The following TESK2 variants were observed in gnomAD, a reference collection of about 807,000 sequenced individuals.
The protein encoded by TESK2 is testis associated actin remodelling kinase 2, also known as dual specificity testis-specific protein kinase 2.
Under a neutral mutation model 57.1 loss-of-function variants are expected in TESK2, and 39 were observed. The observed-to-expected ratio is 0.68, with a 90% CI of 0.53 to 0.89. The LOEUF is 0.89. Ranked by LOEUF, TESK2 falls within the 40% of genes least tolerant of loss-of-function variation. The pLI is 0.00. For synonymous variants in TESK2, 249 were observed against 267.9 expected (o/e 0.93, Z 0.69); for missense variants, 646 against 732.1 (o/e 0.88, Z 1.36).
intron 3 of TESK2, among the ~76,000 whole-genome samples, chr1:45,409,688 G>A (rs549258831): frequency 1.3e-5 from 2 of 152,146 alleles, no homozygotes; most frequent in Non-Finnish European, 2.9e-5. Flanking sequence ...ATATTTTGAA[G>A]ATAATGCTGA....
At chr1:45,468,019 T>TA (rs1233318503) in intron 1 of TESK2, among the ~76,000 whole-genome samples, 2 of 151,652 alleles carry the variant, frequency 1.3e-5, no homozygotes, top group South Asian at 2.1e-4. Flanking sequence ...CTACAAAAAA[T>TA]ACAAAAATTA....
intron 4 of TESK2, among the ~76,000 whole-genome samples, chr1:45,368,231 G>A (rs945176725): frequency 1.3e-5 from 2 of 151,528 alleles, no homozygotes; most frequent in African/African-American, 4.9e-5. Context: ...CTGACTTCAG[G>A]TGATCCACCC....
chr1:45,482,244 T>C (rs1217750251), intron 1 of TESK2, among the ~76,000 whole-genome samples: 1 of 152,176 alleles, frequency 6.6e-6, no homozygotes, highest in Non-Finnish European at 1.5e-5. Flanking sequence ...ACGAAAAAGT[T>C]GGCCAGGCAT....
chr1:45,444,049 C>T, intron 2 of TESK2, among the ~76,000 whole-genome samples: 1 of 151,956 alleles, frequency 6.6e-6, no homozygotes, highest in Non-Finnish European at 1.5e-5. Flanking sequence ...TGTGGTGGCA[C>T]ATGCCTGCAG....
chr1:45,471,238 A>G (rs1369947718), intron 1 of TESK2, among the ~76,000 whole-genome samples: 1 of 152,144 alleles, frequency 6.6e-6, no homozygotes, highest in Admixed American at 6.5e-5. Flanking sequence ...CTCAAAAAAA[A>G]GAAGCGGAGG....
chr1:45,474,785 C>CT lies in TESK2; in HGVS notation c.-87+16066dup, dbSNP rs1268268401. 3.7e-3 allele frequency among the ~76,000 whole-genome samples: 513 copies of CT among 139,600 alleles called. 1 individual carries two copies. Among genetic ancestry groups the CT allele is most frequent in the Middle Eastern group, 7.2e-3 (2 of 276 alleles). 91.6% of individuals were successfully genotyped at this position (139,600 alleles called of 152,430 possible). On this transcript the variant is annotated intron_variant, in intron 1 of 10. Coordinates refer to ENST00000372086, the MANE Select transcript of TESK2 (RefSeq NM_007170.3). ...GAGCCACCACACCTGGCCTCCATCT[C>CT]TTTTTTTTTTTTTAATGCAGTTTCT...
At chr1:45,388,695 G>A (rs908592335) in intron 3 of TESK2, among the ~76,000 whole-genome samples, 3 of 149,742 alleles carry the variant, frequency 2.0e-5, no homozygotes, top group Non-Finnish European at 3.0e-5. Context: ...AATTCCCAAC[G>A]TGGCAGTATT....
intron 4 of TESK2, among the ~76,000 whole-genome samples, chr1:45,376,967 C>T (rs1197829098): frequency 1.3e-5 from 2 of 152,120 alleles, no homozygotes; most frequent in South Asian, 2.1e-4. Flanking sequence ...CACCTGTAAT[C>T]CCAGCACTCT....
intron 4 of TESK2, among the ~76,000 whole-genome samples, chr1:45,383,201 A>G (rs185136809): frequency 1.3e-5 from 2 of 152,324 alleles, no homozygotes; most frequent in Admixed American, 1.3e-4. Context: ...CTAAGTTTCA[A>G]GGACTGTGCT....
chr1:45,486,106 T>C (rs1653466424), intron 1 of TESK2, among the ~76,000 whole-genome samples: 1 of 152,208 alleles, frequency 6.6e-6, no homozygotes, highest in Non-Finnish European at 1.5e-5. Context: ...CCTGTGATTG[T>C]TCAGGGAAAA....
intron 4 of TESK2, among the ~76,000 whole-genome samples, chr1:45,358,019 A>AG (rs1248768801): frequency 1.6e-4 from 24 of 145,742 alleles, no homozygotes; most frequent in African/African-American, 5.6e-4. Context: ...AAAAAAAAAA[A>AG]AAAAAAAAAA....
intron 3 of TESK2, among the ~76,000 whole-genome samples, chr1:45,407,807 T>C (rs1050699589): frequency 1.3e-5 from 2 of 152,142 alleles, no homozygotes; most frequent in African/African-American, 4.8e-5. Flanking sequence ...CAGTCTTGGG[T>C]GTGTCTTTAT....
chr1:45,414,956 G>A (rs1570705475), intron 3 of TESK2: 1 of 559,728 alleles, frequency 1.8e-6, no homozygotes, highest in East Asian at 3.6e-5. Context: ...GTGAGTAAAT[G>A]AATAAAAAAA....
chr1:45,428,816 A>ATTTTTTTT lies in TESK2; in HGVS notation c.223-6978_223-6971dup, dbSNP rs71052876. ...ACTGCGCCCAGCTCTTAAATTCCTG[A>ATTTTTTTT]TTTTTTTTTTTTTTTTTTTTTTTGA... On this transcript the variant is annotated intron_variant, in intron 2 of 10. Transcript: ENST00000372086. 6.7e-4 allele frequency among the ~76,000 whole-genome samples: 55 copies of ATTTTTTTT among 82,584 alleles called. 1 individual carries two copies. Among genetic ancestry groups the ATTTTTTTT allele is most frequent in the Non-Finnish European group, 7.4e-4 (35 of 47,432 alleles). The allele number at this position is 82,584 out of a possible 152,430, so 54.2% of individuals were successfully genotyped here. A position where few individuals can be genotyped will look rare whatever the true frequency, so the allele number is the denominator to read the frequency against.
chr1:45,485,220 G>A (rs376870598), intron 1 of TESK2, among the ~76,000 whole-genome samples: 7 of 147,612 alleles, frequency 4.7e-5, no homozygotes, highest in African/African-American at 7.4e-5. Context: ...ATGGAGTCTC[G>A]CTCTGTCGCC....
intron 4 of TESK2, among the ~76,000 whole-genome samples, chr1:45,370,666 G>A (rs1341668368): frequency 6.6e-6 from 1 of 152,160 alleles, no homozygotes; most frequent in Non-Finnish European, 1.5e-5. Flanking sequence ...ATGAAGAGGT[G>A]TGTTCTGGGC....
At chr1:45,390,991 C>A (rs1368684884) in intron 3 of TESK2, among the ~76,000 whole-genome samples, 2 of 150,988 alleles carry the variant, frequency 1.3e-5, no homozygotes, top group Non-Finnish European at 2.9e-5. Context: ...GATCTCGGCT[C>A]ACTGTAAGCT....
intron 1 of TESK2, among the ~76,000 whole-genome samples, chr1:45,465,143 T>C (rs548447928): frequency 5.3e-5 from 8 of 151,610 alleles, no homozygotes; most frequent in African/African-American, 1.9e-4. Flanking sequence ...GGCTGAGGCA[T>C]GAGAATCACT....
In TESK2 at chr1:45,457,807, C is replaced by A. The variant is rs758651000; in HGVS notation, c.-22G>T. The A allele has an allele frequency of 3.7e-6, 6 of 1,605,406 alleles. No homozygotes were observed. Among genetic ancestry groups the A allele is most frequent in the Non-Finnish European group, 5.1e-6 (6 of 1,173,104 alleles). The stretch of plus-strand genomic sequence containing the variant: ...CCATAGTCTAAATAATCACTTTTTT[C>A]TTCTTTTAAGAAGGAACTCCACACA... On this transcript the variant is annotated 5_prime_UTR_variant, in exon 2 of 11. Transcript: ENST00000372086.
Sources: gnomAD v4.1 joint callset for allele counts (sites outside exome capture counted in the v4.1 genomes callset) on GRCh38, gnomAD v4.1.1 for gene constraint, MANE v1.5 for transcripts, NCBI Gene and HGNC (gene_info 2026-07-23, HGNC 2026-07-21) for gene names.